Variants in VWC2L observed in about 807,000 individuals in gnomAD.
The protein encoded by VWC2L is von Willebrand factor C domain-containing protein 2-like.
VWC2L carries 10 observed loss-of-function variants against 21.6 expected under a neutral mutation model. The observed-to-expected ratio is 0.46, with a 90% CI of 0.29 to 0.78. The LOEUF is 0.78. Among genes scored for constraint, VWC2L ranks in the 30% least tolerant of loss-of-function variants. The probability of loss-of-function intolerance (pLI) is 0.10; values close to 1 mark genes in which losing one functional copy is unlikely to be tolerated. For missense variants in VWC2L, 209 were observed against 277.1 expected (o/e 0.75, Z 1.74); for synonymous variants, 96 against 94.3 (o/e 1.02, Z -0.10).
intron 3 of VWC2L, among the ~76,000 whole-genome samples, chr2:214,498,713 ATG>A (rs1559309183): frequency 2.5e-5 from 1 of 39,312 alleles, no homozygotes; most frequent in African/African-American, 5.6e-5. Context: ...ATATTTTTAT[ATG>A]TGTATATATT....
At chr2:214,485,049 G>A (rs2126198532) in intron 3 of VWC2L, among the ~76,000 whole-genome samples, 1 of 152,274 alleles carries the variant, frequency 6.6e-6, no homozygotes, top group East Asian at 1.9e-4. Context: ...GGGTGCAGTG[G>A]CTCATGCCTA....
chr2:214,434,590 A>G (rs1381109890), intron 2 of VWC2L, among the ~76,000 whole-genome samples: 1 of 152,166 alleles, frequency 6.6e-6, no homozygotes, highest in Non-Finnish European at 1.5e-5. Context: ...GGCCCTGGGA[A>G]AGTTATTAAA....
chr2:214,426,116 G>A (rs1488209547), intron 2 of VWC2L, among the ~76,000 whole-genome samples: 1 of 144,046 alleles, frequency 6.9e-6, no homozygotes, highest in Admixed American at 7.3e-5. Context: ...AAGTTTCAGT[G>A]AGCCGAGTTC....
chr2:214,560,997 A>G (rs770350438), intron 3 of VWC2L, among the ~76,000 whole-genome samples: 1 of 152,148 alleles, frequency 6.6e-6, no homozygotes, highest in African/African-American at 2.4e-5. Flanking sequence ...ATATTTTGAA[A>G]CTTCTTCCAA....
At chr2:214,522,798 C>T (rs1189090999) in intron 3 of VWC2L, among the ~76,000 whole-genome samples, 3 of 152,082 alleles carry the variant, frequency 2.0e-5, no homozygotes, top group Admixed American at 6.5e-5. Context: ...TAAGAAGCCA[C>T]TTTTCAAATT....
Position 214,577,605 on chromosome 2 carries a change from T to C in VWC2L, c.*1785T>C, listed in dbSNP as rs1690252917. ...GGCTTTTGTGAGCTTCTGATCCCTA[T>C]GGGACATACACAGTCAGCATTTCCA... On this transcript the variant is annotated 3_prime_UTR_variant, in exon 4 of 4. Transcript: ENST00000312504. The C allele has an allele frequency of 6.6e-6, 1 of 152,310 alleles. No individual in the cohort carries two copies. Among genetic ancestry groups the C allele is most frequent in the South Asian group, 2.1e-4 (1 of 4,824 alleles). The allele number at this position is 152,310 out of a possible 1,614,324, so 9.4% of individuals were successfully genotyped here. A position where few individuals can be genotyped will look rare whatever the true frequency, so the allele number is the denominator to read the frequency against.
chr2:214,495,028 C>A (rs775649750), intron 3 of VWC2L, among the ~76,000 whole-genome samples: 14 of 152,122 alleles, frequency 9.2e-5, no homozygotes, highest in Non-Finnish European at 1.8e-4. Context: ...TTCGAAGTGT[C>A]TGGTTTATTA....
intron 3 of VWC2L, among the ~76,000 whole-genome samples, chr2:214,541,705 G>A (rs1396480675): frequency 6.6e-6 from 1 of 152,104 alleles, no homozygotes; most frequent in Non-Finnish European, 1.5e-5. Context: ...CTAAAACTGG[G>A]ACTAAGACAA....
At chr2:214,422,606 A>G (rs1367575611) in intron 2 of VWC2L, among the ~76,000 whole-genome samples, 1 of 152,188 alleles carries the variant, frequency 6.6e-6, no homozygotes, top group Non-Finnish European at 1.5e-5. Flanking sequence ...GGCATTATTA[A>G]TTGGGAACTG....
At position 214,450,706 on chromosome 2, in the gene VWC2L, CA is replaced by C. The variant is rs1391820527; in HGVS notation, c.520+13949del. 9.2e-5 allele frequency among the ~76,000 whole-genome samples: 14 copies of C among 152,222 alleles called. No homozygotes were observed. In the South Asian group the frequency reaches 1.7e-3, roughly 18 times the overall value. ...TGGGAGAGATGCCTGTAGGATGAGTCAGGGGGCAACAGGTGCTGGGAGAGTG... is the reference window on the plus strand; with the variant it reads ...TGGGAGAGATGCCTGTAGGATGAGTCGGGGGCAACAGGTGCTGGGAGAGTG... On this transcript the variant is annotated intron_variant, in intron 3 of 3. Coordinates refer to ENST00000312504, the MANE Select transcript of VWC2L (RefSeq NM_001080500.4).
chr2:214,549,387 C>T (rs1438323069), intron 3 of VWC2L, among the ~76,000 whole-genome samples: 2 of 152,208 alleles, frequency 1.3e-5, no homozygotes, highest in Non-Finnish European at 2.9e-5. Context: ...CAATTTAGGA[C>T]ATTATTTCCC....
chr2:214,561,419 A>G (rs753760090), intron 3 of VWC2L, among the ~76,000 whole-genome samples: 3 of 152,310 alleles, frequency 2.0e-5, no homozygotes, highest in Non-Finnish European at 2.9e-5. Flanking sequence ...CCACACATGT[A>G]ATTTTTTGTG....
chr2:214,577,759 T>G lies in VWC2L; in HGVS notation c.*1939T>G, dbSNP rs1379820131. On this transcript the variant is annotated 3_prime_UTR_variant, in exon 4 of 4. Coordinates refer to ENST00000312504, the MANE Select transcript of VWC2L (RefSeq NM_001080500.4). The stretch of plus-strand genomic sequence containing the variant: ...TGTCAGCCTCTCCTCCCTGGAAGCA[T>G]CTGCTGTCATCAAGAAAGAGTTGTC... 1 of 152,206 alleles carries G rather than the reference T, an allele frequency of 6.6e-6. No individual in the cohort carries two copies. Among genetic ancestry groups the G allele is most frequent in the Non-Finnish European group, 1.5e-5 (1 of 68,042 alleles). The allele number at this position is 152,206 out of a possible 1,614,324, so 9.4% of individuals were successfully genotyped here.
chr2:214,489,536 A>C (rs1688717649), intron 3 of VWC2L, among the ~76,000 whole-genome samples: 2 of 152,338 alleles, frequency 1.3e-5, no homozygotes, highest in South Asian at 4.1e-4. Context: ...AATGGTAACC[A>C]ATGGAAATCA....
At chr2:214,456,341 T>C (rs1216489665) in intron 3 of VWC2L, among the ~76,000 whole-genome samples, 1 of 152,196 alleles carries the variant, frequency 6.6e-6, no homozygotes, top group Non-Finnish European at 1.5e-5. Flanking sequence ...TGTCTTCTTT[T>C]GAGAAATGTC....
chr2:214,513,375 G>A (rs538250887), intron 3 of VWC2L, among the ~76,000 whole-genome samples: 50 of 152,078 alleles, frequency 3.3e-4, no homozygotes, highest in Non-Finnish European at 6.5e-4. Context: ...ATTGAATGAC[G>A]TCCAGAATGC....
At chr2:214,542,365 C>T (rs1689642143) in intron 3 of VWC2L, among the ~76,000 whole-genome samples, 1 of 152,158 alleles carries the variant, frequency 6.6e-6, no homozygotes, top group Non-Finnish European at 1.5e-5. Flanking sequence ...CTGAGATTGC[C>T]AACTGCCTGT....
At chr2:214,483,002 T>C (rs1688628148) in intron 3 of VWC2L, among the ~76,000 whole-genome samples, 1 of 152,158 alleles carries the variant, frequency 6.6e-6, no homozygotes, top group Non-Finnish European at 1.5e-5. Flanking sequence ...TCCCTCTCCT[T>C]TGACCACCAG....
chr2:214,437,072 T>C (rs1489863065), intron 3 of VWC2L, among the ~76,000 whole-genome samples: 1 of 152,148 alleles, frequency 6.6e-6, no homozygotes, highest in East Asian at 1.9e-4. Flanking sequence ...TGCATTCCTC[T>C]CTTTTGTAGA....
Sources: allele counts gnomAD v4.1 joint callset (sites outside exome capture counted in the v4.1 genomes callset), GRCh38; gene constraint gnomAD v4.1.1; transcripts MANE v1.5; gene names NCBI Gene and HGNC (gene_info 2026-07-23, HGNC 2026-07-21).